The following RBFOX1 variants were observed in gnomAD, a reference collection of about 807,000 sequenced individuals.
The protein encoded by RBFOX1 is RNA binding fox-1 homolog 1.
In RBFOX1, 8 loss-of-function variants were observed where a neutral mutation model predicts 57.7. The ratio of observed to expected loss-of-function variants is 0.14; its 90% CI spans 0.08 to 0.25. The LOEUF (loss-of-function observed/expected upper bound fraction) is 0.25, where lower values mean the gene tolerates loss of function less well. Among genes scored for constraint, RBFOX1 ranks in the 10% least tolerant of loss-of-function variants. The probability of loss-of-function intolerance (pLI) is 1.00; values close to 1 mark genes in which losing one functional copy is unlikely to be tolerated. For synonymous variants in RBFOX1, 326 were observed against 222.4 expected (o/e 1.47, Z -4.15); for missense variants, 611 against 548.5 (o/e 1.11, Z -1.14).
chr16:6,304,752 G>C (rs896240076), intron 1 of RBFOX1, among the ~76,000 whole-genome samples: 2 of 151,832 alleles, frequency 1.3e-5, no homozygotes, highest in Non-Finnish European at 2.9e-5. Flanking sequence ...AGGTGCGGTG[G>C]TGCACGCCTG....
At chr16:6,481,487 C>T (rs983875477) in intron 2 of RBFOX1, among the ~76,000 whole-genome samples, 4 of 152,230 alleles carry the variant, frequency 2.6e-5, no homozygotes, top group Non-Finnish European at 5.9e-5. Flanking sequence ...CCGCACCATG[C>T]GTCCCTTCCT....
intron 1 of RBFOX1, among the ~76,000 whole-genome samples, chr16:6,163,669 T>C (rs527909699): frequency 8.5e-5 from 13 of 152,196 alleles, no homozygotes; most frequent in Non-Finnish European, 1.8e-4. Flanking sequence ...ATTTGTTCTT[T>C]CCAAAATGTT....
intron 4 of RBFOX1, among the ~76,000 whole-genome samples, chr16:7,062,018 C>T (rs2054454446): frequency 6.6e-6 from 1 of 151,918 alleles, no homozygotes; most frequent in Non-Finnish European, 1.5e-5. Context: ...GAGATGGTCC[C>T]AGGAAAAATG....
intron 2 of RBFOX1, among the ~76,000 whole-genome samples, chr16:6,585,430 C>T (rs1411440401): frequency 6.6e-6 from 1 of 152,148 alleles, no homozygotes; most frequent in African/African-American, 2.4e-5. Flanking sequence ...CTAAGGTTGA[C>T]TTGTATTCTC....
At chr16:6,631,422 A>G (rs2098383643) in intron 2 of RBFOX1, among the ~76,000 whole-genome samples, 1 of 151,616 alleles carries the variant, frequency 6.6e-6, no homozygotes, top group Non-Finnish European at 1.5e-5. Flanking sequence ...TTTTTTTTGT[A>G]AGGGAAAGTT....
At chr16:6,191,748 G>C (rs1210804405) in intron 1 of RBFOX1, among the ~76,000 whole-genome samples, 2 of 152,140 alleles carry the variant, frequency 1.3e-5, no homozygotes, top group African/African-American at 4.8e-5. Context: ...TCATGGCAGA[G>C]AGAATGTTTA....
intron 2 of RBFOX1, among the ~76,000 whole-genome samples, chr16:5,559,135 G>T (rs1227944867): frequency 1.4e-5 from 2 of 138,626 alleles, no homozygotes; most frequent in African/African-American, 5.3e-5. Flanking sequence ...TAGCAAAAGG[G>T]GTTTATATAG....
At chr16:7,400,431 A>G (rs1239268228) in intron 4 of RBFOX1, among the ~76,000 whole-genome samples, 1 of 152,178 alleles carries the variant, frequency 6.6e-6, no homozygotes, top group Non-Finnish European at 1.5e-5. Context: ...AATCCTCAAA[A>G]GTGAAAAAAC....
At chr16:5,582,822 A>G (rs1273252305) in intron 2 of RBFOX1, among the ~76,000 whole-genome samples, 2 of 152,154 alleles carry the variant, frequency 1.3e-5, no homozygotes, top group African/African-American at 4.8e-5. Context: ...CAAGTGCAGA[A>G]GGCAGAAGAG....
chr16:5,323,014 C>G (rs2064456726), intron 1 of RBFOX1, among the ~76,000 whole-genome samples: 1 of 152,198 alleles, frequency 6.6e-6, no homozygotes, highest in Non-Finnish European at 1.5e-5. Flanking sequence ...TGACTCCCCA[C>G]TCCCTAGCTG....
At chr16:6,658,400 G>C (rs1333973595) in intron 3 of RBFOX1, among the ~76,000 whole-genome samples, 1 of 151,774 alleles carries the variant, frequency 6.6e-6, no homozygotes, top group African/African-American at 2.4e-5. Flanking sequence ...GTAGAGGTGG[G>C]GTTTTACCAT....
At chr16:6,816,198 C>T (rs1229822374) in intron 3 of RBFOX1, among the ~76,000 whole-genome samples, 3 of 152,094 alleles carry the variant, frequency 2.0e-5, no homozygotes, top group Non-Finnish European at 4.4e-5. Flanking sequence ...GTAATCCCAG[C>T]TCCTTTGGAG....
At chr16:5,755,174 A>G (rs1158386479) in intron 3 of RBFOX1, among the ~76,000 whole-genome samples, 6 of 127,482 alleles carry the variant, frequency 4.7e-5, no homozygotes, top group African/African-American at 1.8e-4. Flanking sequence ...CCCTTAATCC[A>G]TTCAACTCTG....
At chr16:6,277,456 C>A (rs1165844522) in intron 1 of RBFOX1, among the ~76,000 whole-genome samples, 2 of 21,730 alleles carry the variant, frequency 9.2e-5, no homozygotes, top group African/African-American at 3.4e-4. Context: ...GAGTCTGTCT[C>A]CCAAAAAAAA....
intron 3 of RBFOX1, among the ~76,000 whole-genome samples, chr16:6,898,247 C>G (rs1490214249): frequency 4.6e-5 from 7 of 152,108 alleles, no homozygotes; most frequent in Admixed American, 1.3e-4. Flanking sequence ...AGCTCTGACT[C>G]CAGCTGTGAT....
intron 1 of RBFOX1, among the ~76,000 whole-genome samples, chr16:6,314,631 A>T (rs4786094): frequency 3.7e-3 from 568 of 151,584 alleles, no homozygotes; most frequent in African/African-American, 0.013. Context: ...ATGTAAGGAT[A>T]TGTTCGGAGA....
At chr16:7,070,317 A>G (rs894006690) in intron 4 of RBFOX1, among the ~76,000 whole-genome samples, 6 of 152,316 alleles carry the variant, frequency 3.9e-5, no homozygotes, top group Middle Eastern at 3.4e-3. Flanking sequence ...TTTTAACAAT[A>G]TAGATGCTTT....
intron 15 of RBFOX1, chr16:7,710,106 C>A: frequency 2.0e-6 from 2 of 1,005,302 alleles, no homozygotes; most frequent in Non-Finnish European, 2.4e-6. Flanking sequence ...AGCTTAATTA[C>A]ATCAAGCAAT....
intron 2 of RBFOX1, among the ~76,000 whole-genome samples, chr16:5,496,422 C>T (rs947144923): frequency 1.3e-5 from 2 of 152,114 alleles, no homozygotes; most frequent in African/African-American, 4.8e-5. Flanking sequence ...CTCCTTCTCA[C>T]TATTCAGCTT....
Sources: gnomAD v4.1 joint callset for allele counts (sites outside exome capture counted in the v4.1 genomes callset) on GRCh38, gnomAD v4.1.1 for gene constraint, MANE v1.5 for transcripts, NCBI Gene and HGNC (gene_info 2026-07-23, HGNC 2026-07-21) for gene names.